Variants in DIAPH2 observed in about 807,000 individuals in gnomAD.
The protein encoded by DIAPH2 is diaphanous related formin 2, also known as protein diaphanous homolog 2.
Under a neutral mutation model 92.7 loss-of-function variants are expected in DIAPH2, and 35 were observed. The observed-to-expected ratio is 0.38, with a 90% confidence interval of 0.29 to 0.50. The LOEUF (loss-of-function observed/expected upper bound fraction) is 0.50, where lower values mean the gene tolerates loss of function less well. Among genes scored for constraint, DIAPH2 ranks in the 20% least tolerant of loss-of-function variants. DIAPH2 has a pLI of 0.94. For missense variants in DIAPH2, 701 were observed against 819.5 expected (o/e 0.86, Z 1.77); for synonymous variants, 301 against 280.4 (o/e 1.07, Z -0.73).
intron 26 of DIAPH2, among the ~76,000 whole-genome samples, chrX:97,570,526 T>C (rs187953683): frequency 9.1e-6 from 1 of 109,617 alleles, no homozygotes; most frequent in Admixed American, 9.9e-5. Flanking sequence ...ATGCATAATG[T>C]GATAGTGCAT....
chrX:96,803,569 C>G (rs2064600582), intron 4 of DIAPH2, among the ~76,000 whole-genome samples: 1 of 112,252 alleles, frequency 8.9e-6, no homozygotes, highest in African/African-American at 3.2e-5. Flanking sequence ...CTATGCAGAA[C>G]AAAGAAAGAA....
chrX:96,750,051 G>GTTTTT (rs753887199), intron 3 of DIAPH2, among the ~76,000 whole-genome samples: 236 of 71,010 alleles, frequency 3.3e-3, no homozygotes, highest in Non-Finnish European at 4.4e-3. Context: ...TATATTTCAA[G>GTTTTT]TTTTTTTTTT....
chrX:96,992,310 G>A (rs1475115362), intron 17 of DIAPH2, among the ~76,000 whole-genome samples: 1 of 111,494 alleles, frequency 9.0e-6, no homozygotes, highest in Non-Finnish European at 1.9e-5. Flanking sequence ...CTGTGAAAAG[G>A]TGATTGGGCA....
At chrX:97,187,259 G>A (rs1325264363) in intron 22 of DIAPH2, among the ~76,000 whole-genome samples, 2 of 92,745 alleles carry the variant, frequency 2.2e-5, no homozygotes, top group Non-Finnish European at 4.1e-5. Flanking sequence ...GGGATTTAGG[G>A]ATTGAAGACT....
intron 4 of DIAPH2, among the ~76,000 whole-genome samples, chrX:96,801,250 G>A (rs1051287027): frequency 1.8e-5 from 2 of 112,119 alleles, no homozygotes; most frequent in African/African-American, 3.2e-5. Context: ...GCTACAGCAA[G>A]CAATCATTAA....
At chrX:97,087,458 G>GT (rs1446087288) in intron 19 of DIAPH2, among the ~76,000 whole-genome samples, 1 of 111,505 alleles carries the variant, frequency 9.0e-6, no homozygotes, top group Non-Finnish European at 1.9e-5. Flanking sequence ...TCTCTTTGGA[G>GT]TTTCTACTCT....
At position 97,600,457 on chromosome X, in the gene DIAPH2, A is replaced by ATAAT. The variant is rs1164106005; in HGVS notation, c.*1142_*1145dup. On this transcript the variant is annotated 3_prime_UTR_variant, in exon 27 of 27. Coordinates refer to ENST00000324765, the MANE Select transcript of DIAPH2 (RefSeq NM_006729.5). ...GTATATATTTCTATCTCTTGCTACA[A>ATAAT]TAATTCCAACTAAGTGAACTTCTCA... 2.7e-5 allele frequency: 3 copies of ATAAT among 111,147 alleles called. No homozygotes were observed. Among genetic ancestry groups the ATAAT allele is most frequent in the Non-Finnish European group, 5.7e-5 (3 of 52,342 alleles). 9.2% of individuals were successfully genotyped at this position (111,147 alleles called of 1,213,427 possible). A position where few individuals can be genotyped will look rare whatever the true frequency, so the allele number is the denominator to read the frequency against.
chrX:96,768,530 A>G (rs1304024969), intron 4 of DIAPH2, among the ~76,000 whole-genome samples: 1 of 112,139 alleles, frequency 8.9e-6, no homozygotes, highest in Non-Finnish European at 1.9e-5. Context: ...AACAGACAAT[A>G]TGACACATAT....
At chrX:96,942,666 C>G (rs1247989906) in intron 13 of DIAPH2, among the ~76,000 whole-genome samples, 2 of 111,110 alleles carry the variant, frequency 1.8e-5, no homozygotes, top group African/African-American at 6.5e-5. Context: ...TGATCATATT[C>G]ATCTCCTTAG....
chrX:96,963,625 T>C (rs1457994189), intron 16 of DIAPH2, among the ~76,000 whole-genome samples: 1 of 111,589 alleles, frequency 9.0e-6, no homozygotes, highest in Non-Finnish European at 1.9e-5. Context: ...TTTTCCCACA[T>C]TGGGGGAGCG....
intron 4 of DIAPH2, 54 bp downstream of exon 4, chrX:96,758,312 A>G: frequency 9.4e-7 from 1 of 1,059,581 alleles, no homozygotes; most frequent in Non-Finnish European, 1.3e-6. Context: ...GCTTAGCATC[A>G]TTTTGCTTAA....
intron 23 of DIAPH2, among the ~76,000 whole-genome samples, chrX:97,309,871 C>T (rs958739053): frequency 8.9e-6 from 1 of 111,751 alleles, no homozygotes; most frequent in African/African-American, 3.3e-5. Context: ...GTTTTAAGGC[C>T]CAGGGTATGG....
chrX:97,538,286 C>G (rs914924348), intron 26 of DIAPH2, among the ~76,000 whole-genome samples: 4 of 111,778 alleles, frequency 3.6e-5, no homozygotes, highest in African/African-American at 1.3e-4. Flanking sequence ...ATGTCATTAA[C>G]AGAAGTCAAA....
intron 4 of DIAPH2, among the ~76,000 whole-genome samples, chrX:96,880,018 C>T (rs1472251197): frequency 4.5e-5 from 5 of 111,454 alleles, no homozygotes; most frequent in African/African-American, 1.3e-4. Flanking sequence ...CATGAGCCAC[C>T]GTCCCCGGCC....
intron 20 of DIAPH2, among the ~76,000 whole-genome samples, chrX:97,107,437 G>A (rs562019236): frequency 2.9e-4 from 33 of 111,875 alleles, no homozygotes; most frequent in African/African-American, 1.0e-3. Context: ...TCCAGGCCTG[G>A]TACTGGATTT....
intron 19 of DIAPH2, among the ~76,000 whole-genome samples, chrX:97,095,098 C>CTTTTTTTT (rs61350837): frequency 0.027 from 595 of 22,406 alleles, 209 homozygotes; most frequent in Non-Finnish European, 0.045. Flanking sequence ...GTTTCTTTTT[C>CTTTTTTTT]TTTTTTTTTT....
intron 26 of DIAPH2, among the ~76,000 whole-genome samples, chrX:97,575,884 T>TAA (rs1460799282): frequency 2.7e-5 from 3 of 112,123 alleles, no homozygotes; most frequent in African/African-American, 9.7e-5. Flanking sequence ...TGAAAATTAC[T>TAA]AACACGTTGT....
At chrX:97,257,511 T>C (rs750953901) in intron 23 of DIAPH2, among the ~76,000 whole-genome samples, 9 of 111,795 alleles carry the variant, frequency 8.1e-5, no homozygotes, top group African/African-American at 1.3e-4. Flanking sequence ...TCATATCTGC[T>C]AAGACATTAT....
intron 23 of DIAPH2, among the ~76,000 whole-genome samples, chrX:97,306,321 G>C (rs76178017): frequency 1.8e-5 from 2 of 111,283 alleles, no homozygotes; most frequent in African/African-American, 6.5e-5. Context: ...GTAGCTTCAG[G>C]GGGCAGGGCC....
Sources: allele counts gnomAD v4.1 joint callset (sites outside exome capture counted in the v4.1 genomes callset), GRCh38; gene constraint gnomAD v4.1.1; transcripts MANE v1.5; gene names NCBI Gene and HGNC (gene_info 2026-07-23, HGNC 2026-07-21).